The following VAMP4 variants were observed in gnomAD, a reference collection of about 807,000 sequenced individuals.
VAMP4 encodes vesicle-associated membrane protein 4.
A neutral mutation model predicts 23.5 loss-of-function variants in VAMP4; 19 were observed. The observed-to-expected ratio is 0.81, with a 90% CI of 0.56 to 1.19. VAMP4 has a LOEUF of 1.19. Ranked by LOEUF, VAMP4 falls within the 50% of genes most tolerant of loss-of-function variation. The pLI, the probability that VAMP4 is intolerant of heterozygous loss-of-function variation, is 0.00. For synonymous variants in VAMP4, 31 were observed against 51.0 expected, an observed-to-expected ratio of 0.61 and a Z score of 1.67; for missense variants, 145 against 168.6, an observed-to-expected ratio of 0.86 and a Z score of 0.78.
At chr1:171,737,319 G>A (rs1034466946) in intron 2 of VAMP4, among the ~76,000 whole-genome samples, 1 of 152,034 alleles carries the variant, frequency 6.6e-6, no homozygotes, top group Non-Finnish European at 1.5e-5. Context: ...AAATAAGAAC[G>A]TGAATTATTT....
At chr1:171,723,336 C>A (rs1655260995) in intron 3 of VAMP4, among the ~76,000 whole-genome samples, 1 of 152,166 alleles carries the variant, frequency 6.6e-6, no homozygotes, top group Non-Finnish European at 1.5e-5. Context: ...CTAAAATTTA[C>A]TGGGCAGGAA....
chr1:171,733,845 A>C (rs1211465145), intron 2 of VAMP4, among the ~76,000 whole-genome samples: 1 of 152,232 alleles, frequency 6.6e-6, no homozygotes, highest in Admixed American at 6.5e-5. Context: ...CCAAAGAGAA[A>C]TAAAAACATG....
intron 2 of VAMP4, among the ~76,000 whole-genome samples, chr1:171,734,707 CAGTTATCA>C (rs1655682922): frequency 1.3e-5 from 2 of 152,168 alleles, no homozygotes; most frequent in African/African-American, 4.8e-5. Flanking sequence ...TCTAACCAAT[CAGTTATCA>C]AACTTCATAA....
intron 2 of VAMP4, among the ~76,000 whole-genome samples, chr1:171,728,810 G>A (rs920543246): frequency 2.0e-5 from 3 of 152,170 alleles, no homozygotes; most frequent in African/African-American, 7.2e-5. Context: ...AAGGTAGAAA[G>A]GTCACTGAAG....
At chr1:171,739,554 G>A (rs1393373710) in intron 1 of VAMP4, among the ~76,000 whole-genome samples, 8 of 152,206 alleles carry the variant, frequency 5.3e-5, no homozygotes, top group Admixed American at 5.2e-4. Flanking sequence ...CAGTCAGTTG[G>A]AAACACAGGT....
rs563667265 is a variant in VAMP4, at chr1:171,738,259, C to T, written c.66+90G>A. On this transcript the variant is annotated intron_variant, in intron 2 of 7. Transcript: ENST00000236192. ...CGGCGATTGCAGGCATGAGCAACCA[C>T]GCCCGGATGGTTTTTCTTCTATTAT... 115 of 1,462,782 alleles carry T rather than the reference C, an allele frequency of 7.9e-5. 1 individual carries two copies. In the African/African-American group the frequency reaches 1.0e-3, roughly 13 times the overall value. The allele number at this position is 1,462,782 out of a possible 1,614,324, so 90.6% of individuals were successfully genotyped here.
At chr1:171,728,469 T>A in intron 3 of VAMP4, 55 bp downstream of exon 3, 1 of 1,378,952 alleles carries the variant, frequency 7.3e-7, no homozygotes, top group African/African-American at 1.5e-5. Context: ...ATTTTAGATA[T>A]ATGCATGTAT....
At chr1:171,716,727 C>T (rs1655031102) in intron 4 of VAMP4, among the ~76,000 whole-genome samples, 2 of 152,114 alleles carry the variant, frequency 1.3e-5, no homozygotes, top group Non-Finnish European at 2.9e-5. Flanking sequence ...AGAAACTGAC[C>T]AGTGCTAGCA....
chr1:171,726,395 G>A (rs1655371891), intron 3 of VAMP4, among the ~76,000 whole-genome samples: 2 of 152,250 alleles, frequency 1.3e-5, no homozygotes, highest in South Asian at 4.1e-4. Context: ...TTTCCTCTCA[G>A]GCATATAACC....
chr1:171,720,015 T>TA (rs1269363879), intron 3 of VAMP4, among the ~76,000 whole-genome samples: 3 of 151,482 alleles, frequency 2.0e-5, no homozygotes, highest in Non-Finnish European at 1.5e-5. Flanking sequence ...CAGCAATTGA[T>TA]AAAAAAATTT....
chr1:171,740,154 AT>A (rs1412249413), intron 1 of VAMP4, among the ~76,000 whole-genome samples: 1 of 152,222 alleles, frequency 6.6e-6, no homozygotes, highest in African/African-American at 2.4e-5. Context: ...CACTACATTC[AT>A]TGAAACAGCA....
intron 6 of VAMP4, among the ~76,000 whole-genome samples, chr1:171,708,213 C>T (rs943512328): frequency 2.0e-5 from 3 of 151,288 alleles, no homozygotes; most frequent in Non-Finnish European, 2.9e-5. Context: ...GCAGGAGAAT[C>T]GCTTGAACCT....
chr1:171,711,776 A>G (rs544676643), intron 4 of VAMP4, among the ~76,000 whole-genome samples: 1 of 152,280 alleles, frequency 6.6e-6, no homozygotes, highest in East Asian at 1.9e-4. Flanking sequence ...CATACTAAAC[A>G]CTGTTTAAAG....
At chr1:171,707,147 A>C (rs1016454199) in intron 6 of VAMP4, among the ~76,000 whole-genome samples, 2 of 152,162 alleles carry the variant, frequency 1.3e-5, no homozygotes, top group Non-Finnish European at 2.9e-5. Context: ...AAATAACATG[A>C]ACAAAAATCT....
At chr1:171,708,642 C>G (rs1385414241) in intron 6 of VAMP4, among the ~76,000 whole-genome samples, 1 of 150,838 alleles carries the variant, frequency 6.6e-6, no homozygotes, top group Admixed American at 6.6e-5. Flanking sequence ...AGGTGGATCA[C>G]CTGAGGTCAG....
chr1:171,735,252 T>A (rs971758250), intron 2 of VAMP4, among the ~76,000 whole-genome samples: 7 of 152,232 alleles, frequency 4.6e-5, no homozygotes, highest in Non-Finnish European at 7.3e-5. Context: ...ATATAAATAG[T>A]TTCAGTTTAA....
intron 2 of VAMP4, among the ~76,000 whole-genome samples, chr1:171,732,528 C>A (rs1255569147): frequency 1.3e-5 from 2 of 151,978 alleles, no homozygotes; most frequent in Non-Finnish European, 2.9e-5. Context: ...CAAAAGGAGA[C>A]CCTGTAGCAA....
At chr1:171,719,082 C>A in intron 4 of VAMP4, 89 bp downstream of exon 4, 1 of 1,129,276 alleles carries the variant, frequency 8.9e-7, no homozygotes, top group Non-Finnish European at 1.3e-6. Flanking sequence ...AAACAGGCTG[C>A]AGCCAGATTT....
At chr1:171,722,079 A>G (rs1028552800) in intron 3 of VAMP4, among the ~76,000 whole-genome samples, 1 of 152,226 alleles carries the variant, frequency 6.6e-6, no homozygotes, top group Non-Finnish European at 1.5e-5. Context: ...GGAACAGAAT[A>G]GTGCCCTCAG....
Sources: gnomAD v4.1 joint callset for allele counts (sites outside exome capture counted in the v4.1 genomes callset) on GRCh38, gnomAD v4.1.1 for gene constraint, MANE v1.5 for transcripts, NCBI Gene and HGNC (gene_info 2026-07-23, HGNC 2026-07-21) for gene names.